MPRIP: variants seen among roughly 807,000 people sequenced by gnomAD.
MPRIP encodes the protein myosin phosphatase Rho interacting protein.
Under a neutral mutation model 234.9 loss-of-function variants are expected in MPRIP, and 59 were observed. The observed-to-expected ratio is 0.25, with a 90% confidence interval of 0.20 to 0.31. The LOEUF is 0.31. Ranked by LOEUF, MPRIP falls within the 10% of genes least tolerant of loss-of-function variation. The pLI, the probability that MPRIP is intolerant of heterozygous loss-of-function variation, is 1.00. For missense variants in MPRIP, 2,436 were observed against 3,071.0 expected (o/e 0.79, Z 4.89); for synonymous variants, 1,144 against 1,263.9 (o/e 0.91, Z 2.01).
chr17:17,083,597 CCCTT>C (rs1358001800), intron 3 of MPRIP, among the ~76,000 whole-genome samples: 1 of 152,170 alleles, frequency 6.6e-6, no homozygotes, highest in Non-Finnish European at 1.5e-5. Flanking sequence ...AGGTTTCTCT[CCCTT>C]TTCTGCAGCT....
rs1342967756 is a variant in MPRIP, at chr17:17,164,440, G to A, written c.2849G>A (p.Ser950Asn). 7 of 1,257,776 alleles carry A rather than the reference G, an allele frequency of 5.6e-6. No individual in the cohort carries two copies. The highest frequency in any genetic ancestry group is 7.2e-6 in the Non-Finnish European group (7 of 971,576). The allele number at this position is 1,257,776 out of a possible 1,614,324, so 77.9% of individuals were successfully genotyped here. ...CAACACAGCGAGGCGGCGCTGAGCA[G>A]CCAGCTGAGGGCTAGCGAGCAGAAG... is the stretch of plus-strand genomic sequence containing the variant. ...ERQHSEAALS[S>N]QLRASEQKLK... The change falls in exon 16 of 24, where the codon AGC (serine) becomes AAC (asparagine). Residue 950 changes from serine (S) to asparagine (N), a missense_variant. Ser to Asn is a conservative substitution (Grantham distance 46, BLOSUM62 1). Around this residue, in one of 4 missense-constraint regions of MPRIP, gnomAD observed 1,998 missense variants for 2,520.3 expected, o/e 0.79. Coordinates refer to ENST00000651222, the MANE Select transcript of MPRIP (RefSeq NM_001364716.4).
At chr17:17,100,363 G>T (rs749310501) in intron 3 of MPRIP, among the ~76,000 whole-genome samples, 1 of 152,104 alleles carries the variant, frequency 6.6e-6, no homozygotes, top group Non-Finnish European at 1.5e-5. Context: ...CCCCCTTGTC[G>T]AACCAGTCAA....
At position 17,185,249 on chromosome 17, in the gene MPRIP, T is replaced by C. The variant is rs909872353; in HGVS notation, c.*355T>C. ...TGATAAGCTACCCTGTCTCACCATG[T>C]GCTGGTGTGGAAACGGGGCCCAGCC... On this transcript the variant is annotated 3_prime_UTR_variant, in exon 24 of 24. Coordinates refer to ENST00000651222, the MANE Select transcript of MPRIP (RefSeq NM_001364716.4). The C allele has an allele frequency of 1.8e-5, 6 of 341,230 alleles. No individual in the cohort carries two copies. Among genetic ancestry groups the C allele is most frequent in the African/African-American group, 1.3e-4 (6 of 46,500 alleles). The allele number at this position is 341,230 out of a possible 1,614,324, so 21.1% of individuals were successfully genotyped here. A position where few individuals can be genotyped will look rare whatever the true frequency, so the allele number is the denominator to read the frequency against.
intron 1 of MPRIP, among the ~76,000 whole-genome samples, chr17:17,058,657 G>A (rs1011017167): frequency 1.3e-5 from 2 of 152,186 alleles, no homozygotes; most frequent in South Asian, 4.1e-4. Context: ...GCAGAGGTCC[G>A]CATTGTTGAG....
At chr17:17,065,189 A>G (rs1285794859) in intron 1 of MPRIP, among the ~76,000 whole-genome samples, 2 of 152,208 alleles carry the variant, frequency 1.3e-5, no homozygotes, top group Non-Finnish European at 2.9e-5. Context: ...TATATAGTCT[A>G]GATATTAGTC....
In MPRIP at chr17:17,165,888, C is replaced by T. The variant is rs1026236979; in HGVS notation, c.4297C>T (p.Leu1433Phe). 1.5e-6 allele frequency: 2 copies of T among 1,303,818 alleles called. No individual in the cohort carries two copies. The highest frequency in any genetic ancestry group is 5.5e-5 in the East Asian group (1 of 18,032). 80.8% of individuals were successfully genotyped at this position (1,303,818 alleles called of 1,614,324 possible). A position where few individuals can be genotyped will look rare whatever the true frequency, so the allele number is the denominator to read the frequency against. The change falls in exon 16 of 24, where the codon CTC becomes TTC. Residue 1433 changes from leucine to phenylalanine, a missense_variant. Leu to Phe is a conservative substitution (Grantham distance 22). Coordinates refer to ENST00000651222, the MANE Select transcript of MPRIP (RefSeq NM_001364716.4). ...CACCGAGGCCCAGCTGCGTGAGCAG[C>T]TCCGCGCCAGCCTGCTCCAGGTTGG... ...AGTEAQLREQ[L>F]RASLLQVGAL...
At chr17:17,161,443 A>T in intron 15 of MPRIP, 87 bp downstream of exon 15, 1 of 914,006 alleles carries the variant, frequency 1.1e-6, no homozygotes, top group Non-Finnish European at 1.5e-6. Flanking sequence ...GGAGTGTGCA[A>T]AACTTGGCTG....
At chr17:17,160,645 C>T (rs150918386) in intron 14 of MPRIP, among the ~76,000 whole-genome samples, 445 of 152,348 alleles carry the variant, frequency 2.9e-3, no homozygotes, top group African/African-American at 7.8e-3. Context: ...GAGGGAACTG[C>T]GGGAACTCTT....
intron 7 of MPRIP, 89 bp from the exon 8 acceptor site, chr17:17,142,538 G>T: frequency 6.7e-7 from 1 of 1,493,572 alleles, no homozygotes; most frequent in Non-Finnish European, 9.2e-7. Context: ...AATCAGGCCC[G>T]GGCCAGGCCG....
intron 1 of MPRIP, among the ~76,000 whole-genome samples, chr17:17,064,192 G>GTTT (rs1264013503): frequency 1.4e-5 from 2 of 144,986 alleles, no homozygotes; most frequent in Admixed American, 1.4e-4. Flanking sequence ...TTGTTTTTCG[G>GTTT]TTTTTTTTGT....
At chr17:17,141,444 A>G (rs1245806802) in intron 7 of MPRIP, 2 of 152,150 alleles carry the variant, frequency 1.3e-5, no homozygotes, top group African/African-American at 4.8e-5. Context: ...TTCTTTCCTG[A>G]GGAAGACACT....
chr17:17,047,441 A>G (rs1436822104), intron 1 of MPRIP, among the ~76,000 whole-genome samples: 1 of 152,136 alleles, frequency 6.6e-6, no homozygotes, highest in East Asian at 1.9e-4. Flanking sequence ...CCTACTTTCC[A>G]AGATTTGTAA....
chr17:17,141,538 C>CG (rs1567744895), intron 7 of MPRIP: 1 of 152,430 alleles, frequency 6.6e-6, no homozygotes, highest in African/African-American at 2.4e-5. Flanking sequence ...CCGGGGCCCT[C>CG]GCCCTCCTCT....
intron 7 of MPRIP, among the ~76,000 whole-genome samples, chr17:17,141,023 T>C (rs1004882275): frequency 6.6e-6 from 1 of 152,120 alleles, no homozygotes; most frequent in African/African-American, 2.4e-5. Flanking sequence ...CCTGTGGTCT[T>C]ACAGGATCTC....
intron 16 of MPRIP, chr17:17,170,123 A>G (rs1240855777): frequency 1.3e-5 from 2 of 151,874 alleles, no homozygotes; most frequent in East Asian, 3.8e-4. Context: ...TTGGAATGAT[A>G]CAGAGAAGAT....
chr17:17,112,715 C>T (rs1046634275), intron 3 of MPRIP, among the ~76,000 whole-genome samples: 3 of 152,244 alleles, frequency 2.0e-5, no homozygotes, highest in East Asian at 1.9e-4. Context: ...CTCCTGAGGA[C>T]AGGGCTGCAA....
intron 3 of MPRIP, among the ~76,000 whole-genome samples, chr17:17,110,957 T>C (rs2090156219): frequency 6.6e-6 from 1 of 152,096 alleles, no homozygotes. Flanking sequence ...CAAGTTGTGC[T>C]GAATGAGGTG....
In MPRIP at chr17:17,158,518, A is replaced by T. The variant is rs1172810187; in HGVS notation, c.1916A>T (p.Glu639Val). 6.2e-7 allele frequency: 1 copy of T among 1,611,442 alleles called. No homozygotes were observed. The highest frequency in any genetic ancestry group is 8.5e-7 in the Non-Finnish European group (1 of 1,179,886). Residue 639 changes from glutamate to valine, a missense_variant, in exon 14 of 24, where the codon GAG (glutamate) becomes GTG (valine). Glu to Val is a moderately radical substitution (Grantham distance 121). This residue lies in a region of MPRIP where 1,998 missense variants were observed against 2,520.3 expected (regional missense o/e 0.79). Coordinates refer to ENST00000651222, the MANE Select transcript of MPRIP (RefSeq NM_001364716.4). ...GAGAAGCAAGAGGCAGAGCTGGGGG[A>T]GCCGGACCCTGAGCAGAAGAGGAGC... is the stretch of plus-strand genomic sequence containing the variant. ...PTEKQEAELG[E>V]PDPEQKRSRA...
At chr17:17,141,088 G>A (rs2090805870) in intron 7 of MPRIP, among the ~76,000 whole-genome samples, 3 of 152,242 alleles carry the variant, frequency 2.0e-5, no homozygotes, top group Admixed American at 6.5e-5. Flanking sequence ...TCTCCACCAC[G>A]ACTCCTCTGT....
Sources: gnomAD v4.1 joint callset for allele counts (sites outside exome capture counted in the v4.1 genomes callset) on GRCh38, gnomAD v4.1.1 for gene constraint, gnomAD v4.1.1 regional missense constraint, MANE v1.5 for transcripts, NCBI Gene and HGNC (gene_info 2026-07-23, HGNC 2026-07-21) for gene names.